FAM222B: variants seen among roughly 807,000 people sequenced by gnomAD.
FAM222B encodes the protein protein FAM222B.
A neutral mutation model predicts 38.0 loss-of-function variants in FAM222B; 12 were observed. That is an observed-to-expected ratio of 0.32 (90% CI 0.20 to 0.51). The LOEUF (loss-of-function observed/expected upper bound fraction) is 0.51, where lower values mean the gene tolerates loss of function less well. Among genes scored for constraint, FAM222B ranks in the 20% least tolerant of loss-of-function variants. FAM222B has a pLI of 0.97. For synonymous variants in FAM222B, 329 were observed against 317.2 expected, an observed-to-expected ratio of 1.04 and a Z score of -0.40; for missense variants, 716 against 754.2, an observed-to-expected ratio of 0.95 and a Z score of 0.59.
intron 1 of FAM222B, among the ~76,000 whole-genome samples, chr17:28,811,420 A>C (rs2037758763): frequency 6.6e-6 from 1 of 152,196 alleles, no homozygotes; most frequent in African/African-American, 2.4e-5. Context: ...AGCCTGGGCA[A>C]CAGAGCGAGA....
At chr17:28,853,124 T>C (rs552256113) in intron 1 of FAM222B, among the ~76,000 whole-genome samples, 1 of 146,908 alleles carries the variant, frequency 6.8e-6, no homozygotes, top group South Asian at 2.1e-4. Flanking sequence ...ACCCGGGAAG[T>C]AGAGGTTGCA....
intron 1 of FAM222B, among the ~76,000 whole-genome samples, chr17:28,774,687 G>A (rs1452395909): frequency 6.6e-6 from 1 of 152,124 alleles, no homozygotes; most frequent in Non-Finnish European, 1.5e-5. Flanking sequence ...AGGACCACCT[G>A]TGCCTTCAGG....
chr17:28,804,459 C>G (rs1312158995), intron 1 of FAM222B, among the ~76,000 whole-genome samples: 2 of 152,044 alleles, frequency 1.3e-5, no homozygotes, highest in Admixed American at 6.5e-5. Flanking sequence ...CTCAGCCTCC[C>G]GAGTAGCTGG....
intron 1 of FAM222B, among the ~76,000 whole-genome samples, chr17:28,829,030 C>G (rs768428904): frequency 6.6e-6 from 1 of 150,672 alleles, no homozygotes; most frequent in Non-Finnish European, 1.5e-5. Flanking sequence ...CTCAGCGTCC[C>G]GAGTAGCTGG....
At chr17:28,841,701 T>C (rs2039042856) in intron 1 of FAM222B, among the ~76,000 whole-genome samples, 1 of 152,206 alleles carries the variant, frequency 6.6e-6, no homozygotes, top group Non-Finnish European at 1.5e-5. Context: ...AGCACATTAG[T>C]GCCAACTGTG....
At chr17:28,796,228 T>C (rs2036931899) in intron 1 of FAM222B, among the ~76,000 whole-genome samples, 1 of 152,238 alleles carries the variant, frequency 6.6e-6, no homozygotes, top group African/African-American at 2.4e-5. Flanking sequence ...ATAATTGAAC[T>C]AACACCCTAA....
intron 1 of FAM222B, among the ~76,000 whole-genome samples, chr17:28,850,302 CT>C (rs970556478): frequency 2.0e-4 from 29 of 146,408 alleles, no homozygotes; most frequent in Admixed American, 6.8e-4. Flanking sequence ...ATATGAGTTT[CT>C]TTTTTTTTTT....
At chr17:28,815,556 G>A (rs997938346) in intron 1 of FAM222B, among the ~76,000 whole-genome samples, 4 of 152,124 alleles carry the variant, frequency 2.6e-5, no homozygotes, top group African/African-American at 4.8e-5. Flanking sequence ...GCCAGGTGCA[G>A]TGGCTCATGC....
chr17:28,776,114 C>G (rs2035885063), intron 1 of FAM222B, among the ~76,000 whole-genome samples: 1 of 148,498 alleles, frequency 6.7e-6, no homozygotes, highest in African/African-American at 2.5e-5. Context: ...GGTGCAGTGG[C>G]TCACACCTGT....
intron 1 of FAM222B, among the ~76,000 whole-genome samples, chr17:28,817,263 A>C (rs931122056): frequency 1.9e-4 from 29 of 151,896 alleles, no homozygotes; most frequent in South Asian, 8.3e-4. Context: ...AAATACAAAA[A>C]TTAGCCGGGC....
Position 28,759,001 on chromosome 17 carries a change from G to C in FAM222B, c.958C>G (p.Pro320Ala), listed in dbSNP as rs1567783920. 1 of 1,612,882 alleles carries C rather than the reference G, an allele frequency of 6.2e-7. No individual in the cohort carries two copies. ...TCCATGGGATTGACCACACATGAAG[G>C]CATTGGTGTGGGGACGCTGTGGGTC... ...VSTHSVPTPMPSCVVNPMEHT... is the reference protein window; with the variant it reads ...VSTHSVPTPMASCVVNPMEHT... The change falls in exon 3 of 3, where the codon CCT becomes GCT. Residue 320 changes from proline (P) to alanine (A), a missense_variant. By Grantham distance (27) the Pro-to-Ala change is conservative. Coordinates refer to ENST00000581407, the MANE Select transcript of FAM222B (RefSeq NM_001077498.3). This position sits in a 1 kb window ranked among gnomAD's most constrained non-coding sequence, Gnocchi z 4.8.
intron 1 of FAM222B, among the ~76,000 whole-genome samples, chr17:28,817,633 C>A (rs2038071308): frequency 1.3e-5 from 2 of 152,042 alleles, no homozygotes; most frequent in Admixed American, 6.6e-5. Flanking sequence ...GCAGGAGAAT[C>A]GCTTGAACCC....
At chr17:28,829,609 A>G (rs1269249297) in intron 1 of FAM222B, among the ~76,000 whole-genome samples, 2 of 152,226 alleles carry the variant, frequency 1.3e-5, no homozygotes, top group Admixed American at 1.3e-4. Flanking sequence ...TTTACTAAGC[A>G]TAATACCAAT....
At chr17:28,782,827 C>A (rs985628490) in intron 1 of FAM222B, among the ~76,000 whole-genome samples, 61 of 151,912 alleles carry the variant, frequency 4.0e-4, no homozygotes, top group African/African-American at 1.4e-3. Flanking sequence ...ACTATCAAAA[C>A]CCTGTCTCTT....
intron 1 of FAM222B, among the ~76,000 whole-genome samples, chr17:28,768,666 G>A (rs373980264): frequency 5.2e-4 from 79 of 151,996 alleles, no homozygotes; most frequent in African/African-American, 1.8e-3. Context: ...GTGAAACCCT[G>A]TCTCTACTAA....
rs34396988 is a variant in FAM222B at position 28,786,894 on chromosome 17, A to ATT, written c.-40-20189_-40-20188dup. On this transcript the variant is annotated intron_variant, in intron 1 of 2. Transcript: ENST00000581407. ...TAGCTAACACACTGCCCTTCACTGT[A>ATT]TTTTTTTTTTTTTTTTTTTTTTTTT... Among the ~76,000 whole-genome samples the ATT allele has an allele frequency of 1.1e-3, 76 of 72,032 alleles. 3 individuals are homozygous for ATT. The highest frequency in any genetic ancestry group is 3.4e-3 in the African/African-American group (60 of 17,838). The allele number at this position is 72,032 out of a possible 152,430, so 47.3% of individuals were successfully genotyped here.
At chr17:28,788,991 C>G (rs1038266992) in intron 1 of FAM222B, among the ~76,000 whole-genome samples, 2 of 143,532 alleles carry the variant, frequency 1.4e-5, no homozygotes, top group South Asian at 4.5e-4. Context: ...AGGTGATCTG[C>G]CTGCCTGCCT....
At chr17:28,835,388 G>A (rs915648525) in intron 1 of FAM222B, among the ~76,000 whole-genome samples, 21 of 151,952 alleles carry the variant, frequency 1.4e-4, no homozygotes, top group African/African-American at 4.8e-4. Flanking sequence ...TTCCCTCCCA[G>A]CGCCTAGTAC....
intron 1 of FAM222B, among the ~76,000 whole-genome samples, chr17:28,850,549 C>T (rs1170777872): frequency 6.6e-6 from 1 of 152,140 alleles, no homozygotes; most frequent in African/African-American, 2.4e-5. Context: ...CCGCCCACCT[C>T]GGCCTCCCGA....
Sources: gnomAD v4.1 joint callset for allele counts (sites outside exome capture counted in the v4.1 genomes callset) on GRCh38, gnomAD v4.1.1 for gene constraint, Gnocchi (gnomAD v3.1) non-coding constraint, MANE v1.5 for transcripts, NCBI Gene and HGNC (gene_info 2026-07-23, HGNC 2026-07-21) for gene names.